LRRN2: variants seen among roughly 807,000 people sequenced by gnomAD.
LRRN2 encodes leucine-rich repeat neuronal protein 2.
A neutral mutation model predicts 35.7 loss-of-function variants in LRRN2; 10 were observed. The ratio of observed to expected loss-of-function variants is 0.28; its 90% CI spans 0.17 to 0.47. The LOEUF (loss-of-function observed/expected upper bound fraction) is 0.47, where lower values mean the gene tolerates loss of function less well. Ranked by LOEUF, LRRN2 falls within the 20% of genes least tolerant of loss-of-function variation. The pLI is 0.99. For synonymous variants in LRRN2, 391 were observed against 409.6 expected, an observed-to-expected ratio of 0.95 and a Z score of 0.55; for missense variants, 731 against 940.3, an observed-to-expected ratio of 0.78 and a Z score of 2.91.
In LRRN2 at chr1:204,663,688, G is replaced by A. The variant is rs535900621; in HGVS notation, c.-227+21632C>T. ...CAAGCACAAGAGGAAATGCTGTGTA[G>A]GTTATCCTGTGCGCTGCTTGTTGTG... On this transcript the variant is annotated intron_variant, in intron 1 of 1. Transcript: ENST00000367177. Among the ~76,000 whole-genome samples, 4 of 152,292 alleles carry A rather than the reference G, an allele frequency of 2.6e-5. No individual in the cohort carries two copies. In the East Asian group the frequency reaches 7.7e-4, roughly 29 times the overall value.
At chr1:204,677,437 A>G (rs1265673633) in intron 1 of LRRN2, among the ~76,000 whole-genome samples, 1 of 152,136 alleles carries the variant, frequency 6.6e-6, no homozygotes, top group Non-Finnish European at 1.5e-5. Flanking sequence ...TATCCCCAAG[A>G]TCCAGGGAGA....
At chr1:204,680,588 G>A (rs1200215784) in intron 1 of LRRN2, among the ~76,000 whole-genome samples, 2 of 152,160 alleles carry the variant, frequency 1.3e-5, no homozygotes, top group East Asian at 1.9e-4. Context: ...TGCTTGATGC[G>A]GGCTTAGAAC....
intron 1 of LRRN2, among the ~76,000 whole-genome samples, chr1:204,634,410 A>G (rs1667783011): frequency 6.6e-6 from 1 of 152,220 alleles, no homozygotes; most frequent in Non-Finnish European, 1.5e-5. Context: ...GTGTTCCTCA[A>G]AAAGATATAG....
rs546734281 is a variant in LRRN2, at chr1:204,684,903, G to C, written c.-227+417C>G. ...GCTTCCAGCCTGCCAGTCCGCCCGT[G>C]TCACGCCCTCCCTAACCTCACTGCC... On this transcript the variant is annotated intron_variant, in intron 1 of 1. Coordinates refer to ENST00000367177, the MANE Select transcript of LRRN2 (RefSeq NM_201630.2). 1.1e-4 allele frequency among the ~76,000 whole-genome samples: 17 copies of C among 152,340 alleles called. No homozygotes were observed. The South Asian group carries it at 3.1e-3, about 28-fold the overall frequency.
At chr1:204,678,743 T>C (rs1340549750) in intron 1 of LRRN2, among the ~76,000 whole-genome samples, 1 of 152,046 alleles carries the variant, frequency 6.6e-6, no homozygotes, top group Non-Finnish European at 1.5e-5. Flanking sequence ...TCTCCTCAGA[T>C]ATCACCTTCT....
chr1:204,638,402 CTTTTTTTTTTTTTT>C (rs971289134), intron 1 of LRRN2, among the ~76,000 whole-genome samples: 6 of 71,688 alleles, frequency 8.4e-5, no homozygotes, highest in South Asian at 5.9e-4. Flanking sequence ...CAAGGTCTTC[CTTTTTTTTTTTTTT>C]TTTTTTTTTT....
At chr1:204,668,473 T>C in intron 1 of LRRN2, among the ~76,000 whole-genome samples, 1 of 152,158 alleles carries the variant, frequency 6.6e-6, no homozygotes. Flanking sequence ...TGCGTGCCTG[T>C]GGACCCAGCT....
intron 1 of LRRN2, chr1:204,626,842 A>G (rs1183875878): frequency 1.3e-5 from 2 of 152,192 alleles, no homozygotes; most frequent in Non-Finnish European, 2.9e-5. Context: ...AGAAAATATC[A>G]TACTGCATTG....
intron 1 of LRRN2, among the ~76,000 whole-genome samples, chr1:204,634,710 G>C (rs568507782): frequency 6.6e-6 from 1 of 152,290 alleles, no homozygotes; most frequent in Non-Finnish European, 1.5e-5. Context: ...TTCAGAGCGA[G>C]GATGGCCCTG....
At chr1:204,677,809 T>A (rs1668858415) in intron 1 of LRRN2, among the ~76,000 whole-genome samples, 1 of 152,084 alleles carries the variant, frequency 6.6e-6, no homozygotes, top group East Asian at 1.9e-4. Context: ...GATAATGGAT[T>A]TCCTTCTGGA....
intron 1 of LRRN2, among the ~76,000 whole-genome samples, chr1:204,635,988 G>A (rs959319530): frequency 6.6e-6 from 1 of 152,196 alleles, no homozygotes; most frequent in East Asian, 1.9e-4. Flanking sequence ...CAATGCCATC[G>A]TGAGATTTAC....
Position 204,619,446 on chromosome 1 carries a change from G to C in LRRN2, c.547C>G (p.Arg183Gly). 1 of 1,614,228 alleles carries C rather than the reference G, an allele frequency of 6.2e-7. No homozygotes were observed. The highest frequency in any genetic ancestry group is 8.5e-7 in the Non-Finnish European group (1 of 1,180,048). Residue 183 changes from arginine (R) to glycine (G), a missense_variant, in exon 2 of 2, where the codon CGC becomes GGC. By Grantham distance (125) the Arg-to-Gly change is moderately radical. Transcript: ENST00000367177. ...NSNLLRAIDSRWFEMLPNLEI... is the reference protein window; with the variant it reads ...NSNLLRAIDSGWFEMLPNLEI... ...AAGTTGGGCAGCATTTCAAACCAGC[G>C]GCTGTCAATGGCCCTCAGGAGGTTG... is the stretch of plus-strand genomic sequence containing the variant.
chr1:204,623,669 G>A (rs1667090880), intron 1 of LRRN2, among the ~76,000 whole-genome samples: 1 of 152,256 alleles, frequency 6.6e-6, no homozygotes, highest in South Asian at 2.1e-4. Context: ...GGGAGCTGCA[G>A]AGAAAGCTAA....
At chr1:204,685,168 A>C (rs1669043022) in intron 1 of LRRN2, among the ~76,000 whole-genome samples, 152 bp downstream of exon 1, 1 of 152,160 alleles carries the variant, frequency 6.6e-6, no homozygotes, top group Admixed American at 6.5e-5. Flanking sequence ...GGTCAGGCGG[A>C]GCTGCGGTGC....
At chr1:204,649,442 A>G (rs1246856426) in intron 1 of LRRN2, among the ~76,000 whole-genome samples, 1 of 152,170 alleles carries the variant, frequency 6.6e-6, no homozygotes, top group Non-Finnish European at 1.5e-5. Context: ...AACCAACCCA[A>G]CTGGAAACGA....
chr1:204,661,632 CAG>C, intron 1 of LRRN2, among the ~76,000 whole-genome samples: 1 of 152,196 alleles, frequency 6.6e-6, no homozygotes, highest in East Asian at 1.9e-4. Flanking sequence ...AAAGACCACA[CAG>C]GGGCTTGAAC....
intron 1 of LRRN2, among the ~76,000 whole-genome samples, chr1:204,664,880 C>G (rs567849427): frequency 6.6e-6 from 1 of 152,318 alleles, no homozygotes; most frequent in African/African-American, 2.4e-5. Flanking sequence ...ATTATGGTCC[C>G]TCTTTACAGC....
At chr1:204,638,525 C>T (rs1667900644) in intron 1 of LRRN2, among the ~76,000 whole-genome samples, 1 of 147,818 alleles carries the variant, frequency 6.8e-6, no homozygotes, top group Non-Finnish European at 1.5e-5. Flanking sequence ...AATTCTCTGC[C>T]TCAGCCTCCG....
intron 1 of LRRN2, among the ~76,000 whole-genome samples, chr1:204,654,746 C>T (rs1293188125): frequency 1.3e-5 from 2 of 152,228 alleles, no homozygotes; most frequent in African/African-American, 4.8e-5. Context: ...CCAGTGCGTG[C>T]TGGAACCAGC....
Sources: allele counts gnomAD v4.1 joint callset (sites outside exome capture counted in the v4.1 genomes callset), GRCh38; gene constraint gnomAD v4.1.1; transcripts MANE v1.5; gene names NCBI Gene and HGNC (gene_info 2026-07-23, HGNC 2026-07-21).